Variants in SEPTIN9 observed in about 807,000 individuals in gnomAD.
The protein encoded by SEPTIN9 is septin 9, also known as septin-9.
A neutral mutation model predicts 56.6 loss-of-function variants in SEPTIN9; 13 were observed. That is an observed-to-expected ratio of 0.23 (90% CI 0.15 to 0.37). SEPTIN9 has a LOEUF of 0.37. Among genes scored for constraint, SEPTIN9 ranks in the 10% least tolerant of loss-of-function variants. SEPTIN9 has a pLI of 1.00. For synonymous variants in SEPTIN9, 332 were observed against 334.1 expected (o/e 0.99, Z 0.07); for missense variants, 650 against 823.1 (o/e 0.79, Z 2.57).
In SEPTIN9 at chr17:77,330,798, TTG is replaced by T. The variant is rs1307723104; in HGVS notation, c.76+23603_76+23604del. On this transcript the variant is annotated intron_variant, in intron 2 of 11. Transcript: ENST00000427177. The surrounding 1 kb of genome is among the most constrained non-coding windows in gnomAD (Gnocchi z 4.4). The stretch of plus-strand genomic sequence containing the variant: ...GCCTGGGCCTCTCCATTCTGTGGCG[TTG>T]TCTTTCCTCAGAGTTGCACTGTCTC... Among the ~76,000 whole-genome samples the T allele has an allele frequency of 6.6e-6, 1 of 152,202 alleles. No homozygotes were observed. Among genetic ancestry groups the T allele is most frequent in the Non-Finnish European group, 1.5e-5 (1 of 68,032 alleles).
In SEPTIN9 at chr17:77,433,178, G is replaced by A. The variant is rs2095992165; in HGVS notation, c.721+30475G>A. 6.6e-6 allele frequency among the ~76,000 whole-genome samples: 1 copy of A among 152,160 alleles called. No homozygotes were observed. Among genetic ancestry groups the A allele is most frequent in the South Asian group, 2.1e-4 (1 of 4,826 alleles). On this transcript the variant is annotated intron_variant, in intron 3 of 11. Transcript: ENST00000427177. The surrounding 1 kb of genome is among the most constrained non-coding windows in gnomAD (Gnocchi z 6.4). ...TGTTCTGAGCATCGAGGATGCTGTG[G>A]GGGATCCTCCATCCCACCATCTCCA...
In SEPTIN9 at chr17:77,356,236, C is replaced by T. The variant is rs530188058; in HGVS notation, c.77-45823C>T. ...ACTGCCTGGTGCCCAGCCCGCACCG[C>T]GAGGCTTCCTAAGCAGCTCTGGGCA... On this transcript the variant is annotated intron_variant, in intron 2 of 11. Coordinates refer to ENST00000427177, the MANE Select transcript of SEPTIN9 (RefSeq NM_001113491.2). Among the ~76,000 whole-genome samples, 5 of 152,244 alleles carry T rather than the reference C, an allele frequency of 3.3e-5. No individual in the cohort carries two copies. In the South Asian group the frequency reaches 8.3e-4, roughly 25 times the overall value.
Position 77,433,930 on chromosome 17 carries a change from C to G in SEPTIN9, c.721+31227C>G, listed in dbSNP as rs552900480. On this transcript the variant is annotated intron_variant, in intron 3 of 11. Coordinates refer to ENST00000427177, the MANE Select transcript of SEPTIN9 (RefSeq NM_001113491.2). The surrounding 1 kb of genome is among the most constrained non-coding windows in gnomAD (Gnocchi z 6.4). ...GTGGATGGGCAGAGAGGGGAGCTTG[C>G]TGTGGGGCCTCCCCCGATCGGGGGA... is the stretch of plus-strand genomic sequence containing the variant. 6.6e-6 allele frequency among the ~76,000 whole-genome samples: 1 copy of G among 152,314 alleles called. No individual in the cohort carries two copies. Among genetic ancestry groups the G allele is most frequent in the South Asian group, 2.1e-4 (1 of 4,826 alleles).
intron 1 of SEPTIN9, among the ~76,000 whole-genome samples, chr17:77,306,487 GC>G (rs2032271151): frequency 6.6e-6 from 1 of 152,376 alleles, no homozygotes; most frequent in Middle Eastern, 3.4e-3. Context: ...CCAACAAGCA[GC>G]CCCAGGCCAA....
At chr17:77,298,307 C>T (rs1387979572) in intron 1 of SEPTIN9, among the ~76,000 whole-genome samples, 1 of 152,236 alleles carries the variant, frequency 6.6e-6, no homozygotes, top group African/African-American at 2.4e-5. Context: ...TCTCCCCTCA[C>T]TAAGTTCATA....
chr17:77,436,220 C>G lies in SEPTIN9; in HGVS notation c.721+33517C>G, dbSNP rs749131529. 2.0e-5 allele frequency among the ~76,000 whole-genome samples: 3 copies of G among 152,106 alleles called. No individual in the cohort carries two copies. Among genetic ancestry groups the G allele is most frequent in the Non-Finnish European group, 4.4e-5 (3 of 68,018 alleles). ...TTCCTCAGCCCCCTCTCCAGCTTTC[C>G]CAGGGAAAGGGCAGGAACAGAGAGG... On this transcript the variant is annotated intron_variant, in intron 3 of 11. Coordinates refer to ENST00000427177, the MANE Select transcript of SEPTIN9 (RefSeq NM_001113491.2). The surrounding 1 kb of genome is among the most constrained non-coding windows in gnomAD (Gnocchi z 4.4).
intron 2 of SEPTIN9, among the ~76,000 whole-genome samples, chr17:77,341,612 TA>T (rs1477446832): frequency 6.6e-6 from 1 of 151,434 alleles, no homozygotes; most frequent in African/African-American, 2.4e-5. Context: ...TCGTCTCTAC[TA>T]AAAATACCAA....
At chr17:77,401,526 G>A (rs1223023011) in intron 2 of SEPTIN9, among the ~76,000 whole-genome samples, 9 of 152,002 alleles carry the variant, frequency 5.9e-5, no homozygotes, top group African/African-American at 1.9e-4. Context: ...CGGGTGGATC[G>A]CTTGAGGTCA....
rs1276935227 is a variant in SEPTIN9, at chr17:77,402,989, C to T, written c.721+286C>T. On this transcript the variant is annotated intron_variant, in intron 3 of 11. Coordinates refer to ENST00000427177, the MANE Select transcript of SEPTIN9 (RefSeq NM_001113491.2). This position sits in a 1 kb window ranked among gnomAD's most constrained non-coding sequence, Gnocchi z 6.6. ...CCTTTATGGGTCACCGTGGGCCTTG[C>T]TGGGACCTCTGTCTGCTGTGTGTCC... 6.6e-6 allele frequency among the ~76,000 whole-genome samples: 1 copy of T among 152,128 alleles called. No homozygotes were observed. The highest frequency in any genetic ancestry group is 2.4e-5 in the African/African-American group (1 of 41,416).
chr17:77,288,820 G>A (rs2143500443), intron 1 of SEPTIN9, among the ~76,000 whole-genome samples: 1 of 152,210 alleles, frequency 6.6e-6, no homozygotes, highest in East Asian at 1.9e-4. Context: ...TTATTGCTGG[G>A]AGGTGAGCCG....
At chr17:77,493,560 C>T (rs1420915147) in intron 10 of SEPTIN9, among the ~76,000 whole-genome samples, 7 of 152,080 alleles carry the variant, frequency 4.6e-5, no homozygotes, top group Admixed American at 1.3e-4. Flanking sequence ...ACAACACAAA[C>T]GTATTTTCAC....
At chr17:77,283,083 A>T (rs527435217) in intron 1 of SEPTIN9, among the ~76,000 whole-genome samples, 18 of 151,530 alleles carry the variant, frequency 1.2e-4, no homozygotes, top group Admixed American at 3.9e-4. Flanking sequence ...CCTGCGGCTT[A>T]CTGGGAGGTG....
chr17:77,381,292 C>T (rs555301642), intron 2 of SEPTIN9, among the ~76,000 whole-genome samples: 6 of 152,330 alleles, frequency 3.9e-5, no homozygotes, highest in Admixed American at 1.3e-4. Context: ...CACCTAGCCT[C>T]TCCCCTCCCC....
intron 2 of SEPTIN9, among the ~76,000 whole-genome samples, chr17:77,311,226 C>A (rs996298023): frequency 1.3e-5 from 2 of 149,068 alleles, no homozygotes; most frequent in African/African-American, 4.9e-5. Context: ...AAGGACCCCC[C>A]CCCCACCCCA....
intron 2 of SEPTIN9, among the ~76,000 whole-genome samples, chr17:77,356,865 G>A (rs956712695): frequency 4.7e-5 from 7 of 149,490 alleles, no homozygotes; most frequent in Non-Finnish European, 1.0e-4. Flanking sequence ...GCTCATGCAG[G>A]CTGGCTGTCA....
chr17:77,484,923 T>TG (rs2039659901), intron 4 of SEPTIN9, among the ~76,000 whole-genome samples: 1 of 141,710 alleles, frequency 7.1e-6, no homozygotes, highest in Non-Finnish European at 1.5e-5. Flanking sequence ...ATGGTGGTGA[T>TG]TGTGATGGTG....
At chr17:77,491,616 C>A (rs1340876228) in intron 8 of SEPTIN9, among the ~76,000 whole-genome samples, 2 of 151,374 alleles carry the variant, frequency 1.3e-5, no homozygotes, top group East Asian at 4.0e-4. Flanking sequence ...AGTTTGAGGC[C>A]AACATGATGA....
chr17:77,324,853 C>G (rs1282344891), intron 2 of SEPTIN9, among the ~76,000 whole-genome samples: 1 of 140,168 alleles, frequency 7.1e-6, no homozygotes, highest in South Asian at 2.2e-4. Flanking sequence ...GAGTCTGACT[C>G]TGTTGCCCAG....
At position 77,389,495 on chromosome 17, in the gene SEPTIN9, G is replaced by A. The variant is rs1429377806; in HGVS notation, c.77-12564G>A. Among the ~76,000 whole-genome samples the A allele has an allele frequency of 6.6e-6, 1 of 152,140 alleles. No homozygotes were observed. Among genetic ancestry groups the A allele is most frequent in the Non-Finnish European group, 1.5e-5 (1 of 68,014 alleles). On this transcript the variant is annotated intron_variant, in intron 2 of 11. Coordinates refer to ENST00000427177, the MANE Select transcript of SEPTIN9 (RefSeq NM_001113491.2). This position sits in a 1 kb window ranked among gnomAD's most constrained non-coding sequence, Gnocchi z 4.3. ...CCGTACTTAACCTTTGAGGCCCTCA[G>A]AGCTGCAGCCTGTGGTTTTTCGAAG... is the stretch of plus-strand genomic sequence containing the variant.
Sources: gnomAD v4.1 joint callset for allele counts (sites outside exome capture counted in the v4.1 genomes callset) on GRCh38, gnomAD v4.1.1 for gene constraint, Gnocchi (gnomAD v3.1) non-coding constraint, MANE v1.5 for transcripts, NCBI Gene and HGNC (gene_info 2026-07-23, HGNC 2026-07-21) for gene names.